Variants in AGFG1 observed in about 807,000 individuals in gnomAD.
AGFG1 encodes arf-GAP domain and FG repeat-containing protein 1.
In AGFG1, 10 loss-of-function variants were observed where a neutral mutation model predicts 60.6. The ratio of observed to expected loss-of-function variants is 0.16; its 90% CI spans 0.10 to 0.28. The LOEUF (loss-of-function observed/expected upper bound fraction) is 0.28, where lower values mean the gene tolerates loss of function less well. Among genes scored for constraint, AGFG1 ranks in the 10% least tolerant of loss-of-function variants. AGFG1 has a pLI of 1.00. For missense variants in AGFG1, 537 were observed against 676.5 expected, an observed-to-expected ratio of 0.79 and a Z score of 2.29; for synonymous variants, 247 against 242.9, an observed-to-expected ratio of 1.02 and a Z score of -0.16.
At chr2:227,517,922 A>G (rs1002832989) in intron 2 of AGFG1, among the ~76,000 whole-genome samples, 1 of 152,226 alleles carries the variant, frequency 6.6e-6, no homozygotes, top group Non-Finnish European at 1.5e-5. Context: ...ATTTGTATGT[A>G]TCATGAAACC....
At chr2:227,503,905 G>A (rs1691231736) in intron 2 of AGFG1, among the ~76,000 whole-genome samples, 1 of 152,046 alleles carries the variant, frequency 6.6e-6, no homozygotes, top group Admixed American at 6.6e-5. Context: ...ATTTCCTTCT[G>A]TTTACTCTGG....
rs1472758944 is a variant in AGFG1 at position 227,472,318 on chromosome 2, G to C, written c.-104G>C. ...TCCGGCGCGGGCGGCGCGCGCAGAC[G>C]GAGGGCGGCGGCCGCGGCCAGGGCG... On this transcript the variant is annotated 5_prime_UTR_variant, in exon 1 of 13. Transcript: ENST00000310078. 3 of 742,252 alleles carry C rather than the reference G, an allele frequency of 4.0e-6. No homozygotes were observed. Among genetic ancestry groups the C allele is most frequent in the Middle Eastern group, 6.6e-4 (1 of 1,512 alleles). The allele number at this position is 742,252 out of a possible 1,614,324, so 46.0% of individuals were successfully genotyped here.
At position 227,537,002 on chromosome 2, in the gene AGFG1, AAG is replaced by A. The variant is rs1450805788; in HGVS notation, c.1378+13_1378+14del. 1 of 1,609,296 alleles carries A rather than the reference AAG, an allele frequency of 6.2e-7. No homozygotes were observed. Among genetic ancestry groups the A allele is most frequent in the East Asian group, 2.2e-5 (1 of 44,844 alleles). The stretch of plus-strand genomic sequence containing the variant: ...TGCCAGAGGAGCAACAGGTAAGAAA[AAG>A]AGACAGTGGAACAGTAAGTTTTGGG... On this transcript the variant is annotated intron_variant, in intron 10 of 12. Coordinates refer to ENST00000310078, the MANE Select transcript of AGFG1 (RefSeq NM_004504.5).
Position 227,554,377 on chromosome 2 carries a change from A to C in AGFG1, c.1630-59A>C, listed in dbSNP as rs543994818. The C allele has an allele frequency of 1.5e-5, 20 of 1,369,576 alleles. No individual in the cohort carries two copies. The South Asian group carries it at 1.9e-4, about 13-fold the overall frequency. The allele number at this position is 1,369,576 out of a possible 1,614,324, so 84.8% of individuals were successfully genotyped here. On this transcript the variant is annotated intron_variant, in intron 12 of 12. Coordinates refer to ENST00000310078, the MANE Select transcript of AGFG1 (RefSeq NM_004504.5). ...AAATTAAATTCAGTTTAATGTTTTT[A>C]TATTTTGTACATGCACTACTTTTGT...
chr2:227,537,955 C>A (rs1692363667), intron 10 of AGFG1, among the ~76,000 whole-genome samples: 1 of 152,102 alleles, frequency 6.6e-6, no homozygotes, highest in Admixed American at 6.5e-5. Flanking sequence ...TTTCTTTTCA[C>A]ATAAATGTCT....
intron 2 of AGFG1, among the ~76,000 whole-genome samples, chr2:227,500,408 G>T (rs549452471): frequency 6.6e-6 from 1 of 152,212 alleles, no homozygotes; most frequent in Admixed American, 6.5e-5. Flanking sequence ...AGGTCTTATG[G>T]CAGGTGAGCA....
chr2:227,537,835 G>A (rs150713132), intron 10 of AGFG1, among the ~76,000 whole-genome samples: 41 of 152,184 alleles, frequency 2.7e-4, no homozygotes, highest in Admixed American at 3.3e-4. Context: ...TGAGAGATTA[G>A]GTACTTGTAA....
intron 10 of AGFG1, among the ~76,000 whole-genome samples, chr2:227,546,536 G>T (rs376968714): frequency 2.3e-4 from 35 of 152,182 alleles, no homozygotes; most frequent in Middle Eastern, 6.3e-3. Context: ...TACCTCAGTT[G>T]GAAATGCAGA....
chr2:227,484,556 T>A (rs1311227135), intron 1 of AGFG1, among the ~76,000 whole-genome samples: 1 of 152,128 alleles, frequency 6.6e-6, no homozygotes, highest in Non-Finnish European at 1.5e-5. Context: ...TGTAATAAGA[T>A]GATATTTGTT....
chr2:227,534,545 G>A lies in AGFG1; in HGVS notation c.1025-300G>A, dbSNP rs117629393. Among the ~76,000 whole-genome samples, 43 of 152,236 alleles carry A rather than the reference G, an allele frequency of 2.8e-4. No individual in the cohort carries two copies. The East Asian group carries it at 6.7e-3, about 24-fold the overall frequency. On this transcript the variant is annotated intron_variant, in intron 7 of 12. Coordinates refer to ENST00000310078, the MANE Select transcript of AGFG1 (RefSeq NM_004504.5). ...ATGTTCATGTGAACAAGATCCACCC[G>A]TCTTGGAGATGTTAACGTAAGAGCA...
chr2:227,523,213 A>G (rs1234254964), intron 3 of AGFG1, among the ~76,000 whole-genome samples: 2 of 152,154 alleles, frequency 1.3e-5, no homozygotes, highest in African/African-American at 4.8e-5. Context: ...CTTAATTTGC[A>G]TTTTTGTCAG....
rs1288908462 is a variant in AGFG1 at position 227,553,886 on chromosome 2, T to G, written c.1629+91T>G. ...AGGATGTTAATATTCCTAGATGGTA[T>G]TTGGTGTTATATTGATATGAGTGAC... is the stretch of plus-strand genomic sequence containing the variant. On this transcript the variant is annotated intron_variant, in intron 12 of 12. Transcript: ENST00000310078. 3 of 936,096 alleles carry G rather than the reference T, an allele frequency of 3.2e-6. No homozygotes were observed. The East Asian group carries it at 7.9e-5, about 25-fold the overall frequency. 58.0% of individuals were successfully genotyped at this position (936,096 alleles called of 1,614,324 possible). A position where few individuals can be genotyped will look rare whatever the true frequency, so the allele number is the denominator to read the frequency against.
chr2:227,509,221 A>C (rs1373403888), intron 2 of AGFG1, among the ~76,000 whole-genome samples: 1 of 152,200 alleles, frequency 6.6e-6, no homozygotes, highest in Non-Finnish European at 1.5e-5. Context: ...TGGGAAGGAC[A>C]CGTCACTTAC....
intron 1 of AGFG1, among the ~76,000 whole-genome samples, chr2:227,484,432 C>G (rs1050030217): frequency 6.6e-6 from 1 of 152,050 alleles, no homozygotes; most frequent in African/African-American, 2.4e-5. Context: ...AGTGATCCAC[C>G]CGCCTGCTGG....
chr2:227,514,225 G>GT (rs1295097986), intron 2 of AGFG1, among the ~76,000 whole-genome samples: 3 of 152,078 alleles, frequency 2.0e-5, no homozygotes, highest in East Asian at 1.9e-4. Flanking sequence ...TTTTTTTGTT[G>GT]TTTTTTGAGA....
chr2:227,552,679 T>C (rs942478680), intron 11 of AGFG1, among the ~76,000 whole-genome samples: 1 of 151,682 alleles, frequency 6.6e-6, no homozygotes, highest in African/African-American at 2.4e-5. Flanking sequence ...TTTCTTTTTT[T>C]TTTTTTTTAA....
chr2:227,551,842 C>A, intron 10 of AGFG1, 117 bp from the exon 11 acceptor site: 1 of 1,275,550 alleles, frequency 7.8e-7, no homozygotes, highest in Admixed American at 2.3e-5. Context: ...TTAACCCTGC[C>A]TTTAATGTAC....
chr2:227,540,632 C>T (rs997868692), intron 10 of AGFG1, among the ~76,000 whole-genome samples: 6 of 152,092 alleles, frequency 3.9e-5, no homozygotes, highest in Non-Finnish European at 7.4e-5. Flanking sequence ...TCTTTGCTAT[C>T]GTGAATAGTG....
At chr2:227,529,678 T>C (rs533368316) in intron 5 of AGFG1, among the ~76,000 whole-genome samples, 2 of 152,232 alleles carry the variant, frequency 1.3e-5, no homozygotes, top group Admixed American at 1.3e-4. Context: ...ATAAACATCA[T>C]ATCCCAAAAC....
Sources: allele counts gnomAD v4.1 joint callset (sites outside exome capture counted in the v4.1 genomes callset), GRCh38; gene constraint gnomAD v4.1.1; transcripts MANE v1.5; gene names NCBI Gene and HGNC (gene_info 2026-07-23, HGNC 2026-07-21).